CTNND2: variants seen among roughly 807,000 people sequenced by gnomAD.
The protein encoded by CTNND2 is catenin delta 2.
Under a neutral mutation model 144.4 loss-of-function variants are expected in CTNND2, and 22 were observed. The observed-to-expected ratio is 0.15, with a 90% CI of 0.11 to 0.22. The LOEUF (loss-of-function observed/expected upper bound fraction) is 0.22, where lower values mean the gene tolerates loss of function less well. CTNND2 is among the 10% of genes least tolerant of loss of function. The probability of loss-of-function intolerance (pLI) is 1.00; values close to 1 mark genes in which losing one functional copy is unlikely to be tolerated. For synonymous variants in CTNND2, 751 were observed against 695.6 expected, an observed-to-expected ratio of 1.08 and a Z score of -1.25; for missense variants, 1,353 against 1,618.8, an observed-to-expected ratio of 0.84 and a Z score of 2.82.
chr5:11,564,555 T>C (rs1370035385), intron 3 of CTNND2, among the ~76,000 whole-genome samples: 1 of 151,984 alleles, frequency 6.6e-6, no homozygotes, highest in Non-Finnish European at 1.5e-5. Flanking sequence ...GCAAAAACAA[T>C]ACTGGTTCCA....
intron 6 of CTNND2, among the ~76,000 whole-genome samples, chr5:11,396,221 T>C (rs1760116929): frequency 6.6e-6 from 1 of 152,180 alleles, no homozygotes; most frequent in Non-Finnish European, 1.5e-5. Flanking sequence ...CTTATGTTGC[T>C]GAAAATAAGC....
chr5:10,984,663 C>A (rs186383433), intron 20 of CTNND2, among the ~76,000 whole-genome samples: 94 of 152,054 alleles, frequency 6.2e-4, no homozygotes, highest in African/African-American at 2.2e-3. Flanking sequence ...AGAGGCTCTG[C>A]CCTCATATGA....
At chr5:11,523,387 T>C (rs1214389044) in intron 3 of CTNND2, among the ~76,000 whole-genome samples, 3 of 152,180 alleles carry the variant, frequency 2.0e-5, no homozygotes, top group Non-Finnish European at 2.9e-5. Context: ...GTATCATGTA[T>C]ATCGAGGCAC....
intron 3 of CTNND2, among the ~76,000 whole-genome samples, chr5:11,461,285 T>C (rs1270180280): frequency 1.3e-5 from 2 of 152,084 alleles, no homozygotes; most frequent in Non-Finnish European, 2.9e-5. Context: ...CTCATGTGCA[T>C]GTGGAACTGG....
chr5:11,864,835 G>C (rs543644994), intron 1 of CTNND2, among the ~76,000 whole-genome samples: 1 of 147,022 alleles, frequency 6.8e-6, no homozygotes, highest in African/African-American at 2.5e-5. Flanking sequence ...AGTCTACAGT[G>C]AATCACAAAC....
chr5:11,355,700 A>C (rs1408012565), intron 8 of CTNND2, among the ~76,000 whole-genome samples: 2 of 152,164 alleles, frequency 1.3e-5, no homozygotes, highest in Non-Finnish European at 2.9e-5. Flanking sequence ...GGCAAGAAAC[A>C]AAAACAAAAG....
At chr5:11,496,129 C>T (rs1017454151) in intron 3 of CTNND2, among the ~76,000 whole-genome samples, 21 of 152,298 alleles carry the variant, frequency 1.4e-4, no homozygotes, top group Admixed American at 5.2e-4. Context: ...TTTTGTCTCT[C>T]CTTACCTGGA....
chr5:11,448,060 C>T (rs1484746573), intron 3 of CTNND2, among the ~76,000 whole-genome samples: 2 of 152,116 alleles, frequency 1.3e-5, no homozygotes, highest in East Asian at 3.9e-4. Flanking sequence ...GAGAATCTTC[C>T]GAGTGGAGGA....
chr5:11,903,245 G>A lies in CTNND2; in HGVS notation c.37+572C>T, dbSNP rs1222256007. The A allele has an allele frequency of 4.1e-6, 4 of 985,358 alleles. No homozygotes were observed. The highest frequency in any genetic ancestry group is 4.8e-6 in the Non-Finnish European group (4 of 829,978). 61.0% of individuals were successfully genotyped at this position (985,358 alleles called of 1,614,324 possible). A position where few individuals can be genotyped will look rare whatever the true frequency, so the allele number is the denominator to read the frequency against. On this transcript the variant is annotated intron_variant, in intron 1 of 21. Coordinates refer to ENST00000304623, the MANE Select transcript of CTNND2 (RefSeq NM_001332.4). This position sits in a 1 kb window ranked among gnomAD's most constrained non-coding sequence, Gnocchi z 5.4. ...CGCAGAAGCCCCCGAAACCTGTGAAGCCGGCTGCAAAGGCTTGCTGGGAAG... is the reference window on the plus strand; with the variant it reads ...CGCAGAAGCCCCCGAAACCTGTGAAACCGGCTGCAAAGGCTTGCTGGGAAG...
intron 3 of CTNND2, among the ~76,000 whole-genome samples, chr5:11,427,891 G>C (rs1003663065): frequency 1.3e-5 from 2 of 152,088 alleles, no homozygotes; most frequent in South Asian, 2.1e-4. Context: ...CTCAAGACTG[G>C]GAGGAAAAAG....
At chr5:11,696,609 G>C (rs1322535522) in intron 2 of CTNND2, among the ~76,000 whole-genome samples, 3 of 152,152 alleles carry the variant, frequency 2.0e-5, no homozygotes, top group Non-Finnish European at 4.4e-5. Flanking sequence ...GACATTAATG[G>C]CTTGTTAGCA....
At chr5:11,304,861 T>C (rs1271852341) in intron 9 of CTNND2, among the ~76,000 whole-genome samples, 1 of 152,214 alleles carries the variant, frequency 6.6e-6, no homozygotes, top group East Asian at 1.9e-4. Context: ...CTCCACGTGT[T>C]TCCCACTAGT....
rs1553986082 is a variant in CTNND2 at position 11,865,915 on chromosome 5, A to AAAAAAAAAAAAAAC, written c.37+37901_37+37902insGTTTTTTTTTTTTT. Reference sequence around the variant, plus strand: ...AGCTGGAAGAGACAAAAAAAAAAAAACGAGTTCTCCTCTAGAGCCTCCAGA... The same window carrying AAAAAAAAAAAAAAC: ...AGCTGGAAGAGACAAAAAAAAAAAAAAAAAAAAAAAAAACCGAGTTCTCCTCTAGAGCCTCCAGA... On this transcript the variant is annotated intron_variant, in intron 1 of 21. Transcript: ENST00000304623. Among the ~76,000 whole-genome samples, 35 of 149,346 alleles carry AAAAAAAAAAAAAAC rather than the reference A, an allele frequency of 2.3e-4. 2 individuals are homozygous for AAAAAAAAAAAAAAC. In the East Asian group the frequency reaches 6.4e-3, roughly 27 times the overall value.
At chr5:11,495,059 A>G (rs755061513) in intron 3 of CTNND2, among the ~76,000 whole-genome samples, 1 of 152,126 alleles carries the variant, frequency 6.6e-6, no homozygotes, top group Non-Finnish European at 1.5e-5. Context: ...TAAGGAATCA[A>G]TTTGCCTTAG....
chr5:11,094,000 A>G (rs146393492), intron 15 of CTNND2, among the ~76,000 whole-genome samples: 136 of 152,332 alleles, frequency 8.9e-4, no homozygotes, highest in African/African-American at 3.2e-3. Context: ...GCAAAATAGT[A>G]TATTATACAA....
intron 3 of CTNND2, among the ~76,000 whole-genome samples, chr5:11,468,851 T>C (rs1377781525): frequency 1.3e-5 from 2 of 152,144 alleles, no homozygotes; most frequent in East Asian, 3.9e-4. Flanking sequence ...GTTCTCTCCT[T>C]TCTTGTGGGA....
Position 11,364,833 on chromosome 5 carries a change from G to T in CTNND2, c.1235C>A (p.Ala412Asp). Residue 412 changes from alanine to aspartate, a missense_variant, in exon 8 of 22, where the codon GCC becomes GAC. Ala to Asp is a moderately radical substitution (Grantham distance 126). This residue lies in a region of CTNND2 where 708 missense variants were observed against 706.4 expected (regional missense o/e 1.00). Transcript: ENST00000304623. ...TATGTGGTGTTCTGGGGACTGCAGG[G>T]CCCGCAACTCTGGGCCCAGGTGCCC... ...QHGHLGPELRALQSPEHHIDP... is the reference protein window; with the variant it reads ...QHGHLGPELRDLQSPEHHIDP... The T allele has an allele frequency of 6.2e-7, 1 of 1,613,810 alleles. No individual in the cohort carries two copies. Among genetic ancestry groups the T allele is most frequent in the Non-Finnish European group, 8.5e-7 (1 of 1,179,872 alleles).
intron 3 of CTNND2, among the ~76,000 whole-genome samples, chr5:11,493,519 T>C (rs1176267982): frequency 2.0e-5 from 3 of 152,228 alleles, no homozygotes; most frequent in Non-Finnish European, 4.4e-5. Context: ...ATTGTAATCT[T>C]ATAAAGAATG....
chr5:11,250,664 G>A (rs1743531751), intron 9 of CTNND2, among the ~76,000 whole-genome samples: 2 of 151,306 alleles, frequency 1.3e-5, no homozygotes, highest in Admixed American at 1.3e-4. Context: ...CTACAGGCAC[G>A]CACCAACACA....
Sources: gnomAD v4.1 joint callset for allele counts (sites outside exome capture counted in the v4.1 genomes callset) on GRCh38, gnomAD v4.1.1 for gene constraint, gnomAD v4.1.1 regional missense constraint, Gnocchi (gnomAD v3.1) non-coding constraint, MANE v1.5 for transcripts, NCBI Gene and HGNC (gene_info 2026-07-23, HGNC 2026-07-21) for gene names.